The following NR2C1 variants were observed in gnomAD, a reference collection of about 807,000 sequenced individuals.
NR2C1 encodes the protein nuclear receptor subfamily 2 group C member 1, also known as TR2 nuclear hormone receptor.
In NR2C1, 33 loss-of-function variants were observed where a neutral mutation model predicts 74.8. The observed-to-expected ratio is 0.44, with a 90% CI of 0.33 to 0.59. The LOEUF is 0.59. NR2C1 is among the 20% of genes least tolerant of loss of function. NR2C1 has a pLI of 0.02. For synonymous variants in NR2C1, 225 were observed against 240.6 expected (o/e 0.94, Z 0.60); for missense variants, 568 against 715.6 (o/e 0.79, Z 2.35).
In NR2C1 at chr12:95,067,305, G is replaced by T. The variant is rs371118480; in HGVS notation, c.54+26C>A. 8.7e-5 allele frequency: 140 copies of T among 1,602,074 alleles called. No individual in the cohort carries two copies. The African/African-American group carries it at 1.7e-3, about 20-fold the overall frequency. ...GGAATTAGAAAAGTTTGGTGGGCCA[G>T]TGCATCAACCGTAAACTAGACATAC... On this transcript the variant is annotated intron_variant, in intron 2 of 13. Transcript: ENST00000333003.
intron 1 of NR2C1, chr12:95,072,771 G>A (rs1166285511): frequency 6.6e-6 from 1 of 152,240 alleles, no homozygotes; most frequent in Non-Finnish European, 1.5e-5. Context: ...TGAGAACCCT[G>A]GGGCCGTTCC....
At chr12:95,063,217 G>A (rs1875066311) in intron 2 of NR2C1, among the ~76,000 whole-genome samples, 1 of 152,220 alleles carries the variant, frequency 6.6e-6, no homozygotes, top group Non-Finnish European at 1.5e-5. Flanking sequence ...CGCTAAGGAG[G>A]TGTCATTTTT....
intron 10 of NR2C1, among the ~76,000 whole-genome samples, chr12:95,037,803 G>A (rs1473992625): frequency 5.3e-5 from 8 of 150,830 alleles, no homozygotes; most frequent in Non-Finnish European, 1.2e-4. Flanking sequence ...GCTGAGGCAG[G>A]AGAATGGCCT....
Position 95,040,552 on chromosome 12 carries a change from T to C in NR2C1, c.1177A>G (p.Ile393Val). 3 of 1,613,850 alleles carry C rather than the reference T, an allele frequency of 1.9e-6. No individual in the cohort carries two copies. Among genetic ancestry groups the C allele is most frequent in the Non-Finnish European group, 2.5e-6 (3 of 1,179,806 alleles). ...AGCAGTCTGGAGGCAGACTCCCCAA[T>C]GTAGTGCACATTCAGGTACTCAGGC... ...PMPEYLNVHY[I>V]GESASRLLFL... is the part of the protein sequence containing the mutation. Residue 393 changes from isoleucine (I) to valine (V), a missense_variant, in exon 10 of 14, where the codon ATT becomes GTT. Coordinates refer to ENST00000333003, the MANE Select transcript of NR2C1 (RefSeq NM_003297.4).
In NR2C1 at chr12:95,021,345, A is replaced by G. The variant is rs532518626; in HGVS notation, c.*884T>C. On this transcript the variant is annotated 3_prime_UTR_variant, in exon 14 of 14. Coordinates refer to ENST00000333003, the MANE Select transcript of NR2C1 (RefSeq NM_003297.4). ...GAGCCACTACACCTGGCTAGTCTCT[A>G]TTATTTTCAAAGACAGCAGTAGGCC... 6.6e-6 allele frequency: 1 copy of G among 151,232 alleles called. No homozygotes were observed. The highest frequency in any genetic ancestry group is 2.4e-5 in the African/African-American group (1 of 41,334). 9.4% of individuals were successfully genotyped at this position (151,232 alleles called of 1,614,324 possible). A position where few individuals can be genotyped will look rare whatever the true frequency, so the allele number is the denominator to read the frequency against.
At chr12:95,039,814 T>G (rs1335355888) in intron 10 of NR2C1, among the ~76,000 whole-genome samples, 3 of 152,166 alleles carry the variant, frequency 2.0e-5, no homozygotes, top group African/African-American at 7.2e-5. Context: ...ACATTTTTTT[T>G]CTTTTTGTAG....
At chr12:95,069,111 T>C (rs1396720018) in intron 1 of NR2C1, among the ~76,000 whole-genome samples, 1 of 152,248 alleles carries the variant, frequency 6.6e-6, no homozygotes. Flanking sequence ...AAGTGTTTGA[T>C]GCTTTTAAAT....
At chr12:95,036,907 A>T (rs1183845489) in intron 10 of NR2C1, among the ~76,000 whole-genome samples, 1 of 152,198 alleles carries the variant, frequency 6.6e-6, no homozygotes, top group Admixed American at 6.5e-5. Context: ...TGAGCCCCTC[A>T]TATCTGGTAA....
At chr12:95,061,435 TA>T in intron 3 of NR2C1, among the ~76,000 whole-genome samples, 1 of 152,226 alleles carries the variant, frequency 6.6e-6, no homozygotes, top group East Asian at 1.9e-4. Flanking sequence ...TCTGCAAATC[TA>T]AAACTATTCT....
At position 95,022,276 on chromosome 12, in the gene NR2C1, T is replaced by C. The variant is rs771503207; in HGVS notation, c.1765A>G (p.Met589Val). 6 of 1,612,258 alleles carry C rather than the reference T, an allele frequency of 3.7e-6. No homozygotes were observed. The highest frequency in any genetic ancestry group is 5.1e-6 in the Non-Finnish European group (6 of 1,179,570). ...IDSVIPHILK[M>V]EPADYNSQII... ...TGAGAGTTATAATCTGCAGGCTCCA[T>C]TTTCAAAATATGTGGGATAACACTG... The change falls in exon 14 of 14, where the codon ATG becomes GTG. Residue 589 changes from methionine (M) to valine (V), a missense_variant. Transcript: ENST00000333003.
At chr12:95,069,852 T>A (rs11614321) in intron 1 of NR2C1, among the ~76,000 whole-genome samples, 5,135 of 150,868 alleles carry the variant, frequency 0.034, 120 homozygotes, top group Middle Eastern at 0.079. Context: ...CTCAACCTTA[T>A]AAAAAAAAAG....
chr12:95,024,980 AT>A (rs1869178773), intron 13 of NR2C1, among the ~76,000 whole-genome samples, 169 bp downstream of exon 13: 1 of 152,250 alleles, frequency 6.6e-6, no homozygotes, highest in African/African-American at 2.4e-5. Flanking sequence ...TGGATGAAAT[AT>A]TTTATGTAAC....
intron 1 of NR2C1, among the ~76,000 whole-genome samples, chr12:95,071,711 C>A (rs1368283287): frequency 6.6e-6 from 1 of 151,708 alleles, no homozygotes; most frequent in South Asian, 2.1e-4. Context: ...TAACATGCCC[C>A]TTGAAAAACT....
intron 2 of NR2C1, chr12:95,066,808 T>C (rs1234618647): frequency 6.5e-6 from 1 of 154,746 alleles, no homozygotes; most frequent in African/African-American, 2.4e-5. Context: ...GAGAGAACAA[T>C]ACTGAAAAGG....
Position 95,051,202 on chromosome 12 carries a change from A to G in NR2C1, c.965+560T>C, listed in dbSNP as rs1872956362. 2.0e-5 allele frequency among the ~76,000 whole-genome samples: 3 copies of G among 152,190 alleles called. No homozygotes were observed. In the South Asian group the frequency reaches 6.2e-4, roughly 32 times the overall value. On this transcript the variant is annotated intron_variant, in intron 8 of 13. Coordinates refer to ENST00000333003, the MANE Select transcript of NR2C1 (RefSeq NM_003297.4). ...AAAATCAGAAACTTTTTGAGCACCA[A>G]CATGATGCCACAAGTGGAAATTTCA...
intron 9 of NR2C1, among the ~76,000 whole-genome samples, chr12:95,045,295 G>C (rs1872170093): frequency 6.6e-6 from 1 of 152,150 alleles, no homozygotes; most frequent in African/African-American, 2.4e-5. Context: ...TCAGAATGTG[G>C]AGGGCCCTAA....
At chr12:95,063,674 CAA>C (rs34653320) in intron 2 of NR2C1, among the ~76,000 whole-genome samples, 8 of 139,322 alleles carry the variant, frequency 5.7e-5, no homozygotes, top group African/African-American at 7.8e-5. Context: ...GACCCTGTCT[CAA>C]AAAAAAAAAA....
intron 3 of NR2C1, among the ~76,000 whole-genome samples, chr12:95,060,250 G>T (rs1453430486): frequency 6.6e-6 from 1 of 152,148 alleles, no homozygotes; most frequent in Non-Finnish European, 1.5e-5. Context: ...TTTCCTTGAG[G>T]TAATTATAAT....
intron 7 of NR2C1, among the ~76,000 whole-genome samples, chr12:95,052,631 T>A (rs959434980): frequency 1.3e-5 from 2 of 152,042 alleles, no homozygotes; most frequent in Non-Finnish European, 2.9e-5. Flanking sequence ...TGTTTTTTCA[T>A]TTTTAGAAAT....
Sources: gnomAD v4.1 joint callset for allele counts (sites outside exome capture counted in the v4.1 genomes callset) on GRCh38, gnomAD v4.1.1 for gene constraint, MANE v1.5 for transcripts, NCBI Gene and HGNC (gene_info 2026-07-23, HGNC 2026-07-21) for gene names.